Variants in UGT2A1 observed in about 807,000 individuals in gnomAD.
UGT2A1 encodes UDP glucuronosyltransferase family 2 member A1 complex locus.
A neutral mutation model predicts 45.4 loss-of-function variants in UGT2A1; 61 were observed. The ratio of observed to expected loss-of-function variants is 1.34; its 90% CI spans 1.09 to 1.66. The LOEUF is 1.66. Ranked by LOEUF, UGT2A1 falls within the 40% of genes most tolerant of loss-of-function variation. The pLI, the probability that UGT2A1 is intolerant of heterozygous loss-of-function variation, is 0.00. For missense variants in UGT2A1, 649 were observed against 574.3 expected, an observed-to-expected ratio of 1.13 and a Z score of -1.33; for synonymous variants, 229 against 196.2, an observed-to-expected ratio of 1.17 and a Z score of -1.40.
At chr4:69,596,218 A>T (rs376099264) in intron 4 of UGT2A1, 6 of 1,466,378 alleles carry the variant, frequency 4.1e-6, no homozygotes, top group Non-Finnish European at 5.4e-6. Flanking sequence ...ATTAGTAAAA[A>T]GCTGTGTACC....
intron 2 of UGT2A1, among the ~76,000 whole-genome samples, chr4:69,643,408 T>C (rs1011378884): frequency 2.0e-5 from 3 of 151,620 alleles, no homozygotes; most frequent in African/African-American, 7.3e-5. Flanking sequence ...AGATTTTCAT[T>C]TGAATACTAT....
chr4:69,624,065 A>G (rs991119640), intron 3 of UGT2A1, among the ~76,000 whole-genome samples: 5 of 151,592 alleles, frequency 3.3e-5, no homozygotes, highest in Non-Finnish European at 7.4e-5. Context: ...TGTATTATCA[A>G]TTACTGAGAG....
chr4:69,626,332 T>C (rs1358577936), intron 3 of UGT2A1, among the ~76,000 whole-genome samples: 1 of 151,542 alleles, frequency 6.6e-6, no homozygotes, highest in Non-Finnish European at 1.5e-5. Context: ...TGGATGATGT[T>C]TGGAGACCTT....
chr4:69,637,572 TG>T (rs1721782308), intron 2 of UGT2A1, among the ~76,000 whole-genome samples: 1 of 152,158 alleles, frequency 6.6e-6, no homozygotes, highest in African/African-American at 2.4e-5. Flanking sequence ...CTCAGGTCTT[TG>T]GCCTGATGTC....
At chr4:69,600,948 G>A (rs1719250512) in intron 3 of UGT2A1, among the ~76,000 whole-genome samples, 1 of 152,104 alleles carries the variant, frequency 6.6e-6, no homozygotes, top group African/African-American at 2.4e-5. Context: ...CAACATTGGG[G>A]ATCACAATTT....
chr4:69,599,122 T>C, intron 4 of UGT2A1, 124 bp downstream of exon 4: 2 of 1,374,264 alleles, frequency 1.5e-6, no homozygotes, highest in Admixed American at 2.9e-5. Context: ...ACAAGGAAAA[T>C]AGATGTGGAG....
At chr4:69,652,473 G>A (rs954465962) in intron 1 of UGT2A1, among the ~76,000 whole-genome samples, 70 of 151,676 alleles carry the variant, frequency 4.6e-4, no homozygotes, top group African/African-American at 1.5e-3. Flanking sequence ...TAGTAGAGAC[G>A]GGGTTTCACC....
At position 69,646,921 on chromosome 4, in the gene UGT2A1, G is replaced by T; in HGVS notation, c.715+9C>A. On this transcript the variant is annotated intron_variant, in intron 2 of 6. Transcript: ENST00000286604. ...AATTCAAGTAATAAAAACAAAATTT[G>T]TTACATACCTAAAGCTTTACTATAG... The T allele has an allele frequency of 2.0e-6, 3 of 1,530,652 alleles. No homozygotes were observed. Among genetic ancestry groups the T allele is most frequent in the Non-Finnish European group, 2.6e-6 (3 of 1,143,966 alleles). 94.8% of individuals were successfully genotyped at this position (1,530,652 alleles called of 1,614,324 possible).
intron 1 of UGT2A1, among the ~76,000 whole-genome samples, chr4:69,648,360 T>C (rs953663009): frequency 6.6e-6 from 1 of 151,656 alleles, no homozygotes; most frequent in African/African-American, 2.4e-5. Flanking sequence ...CAAGAGATTA[T>C]AGGTAATGCT....
intron 3 of UGT2A1, among the ~76,000 whole-genome samples, chr4:69,628,167 G>A (rs1394650956): frequency 6.6e-6 from 1 of 151,712 alleles, no homozygotes; most frequent in Non-Finnish European, 1.5e-5. Context: ...TTGTCTCAGG[G>A]CATCAAAATG....
intron 3 of UGT2A1, among the ~76,000 whole-genome samples, chr4:69,620,801 C>A (rs1406323976): frequency 6.6e-6 from 1 of 151,682 alleles, no homozygotes; most frequent in East Asian, 1.9e-4. Flanking sequence ...GAAACATAGA[C>A]AAAGGAAACA....
At chr4:69,590,465 G>A (rs145944922) in intron 6 of UGT2A1, among the ~76,000 whole-genome samples, 2 of 152,092 alleles carry the variant, frequency 1.3e-5, no homozygotes, top group South Asian at 4.1e-4. Context: ...TTTGTGTCTG[G>A]AAGAAAAGTT....
intron 3 of UGT2A1, among the ~76,000 whole-genome samples, chr4:69,629,705 C>T (rs886819948): frequency 3.3e-5 from 5 of 151,944 alleles, no homozygotes; most frequent in African/African-American, 1.2e-4. Flanking sequence ...GGAAGAGGAC[C>T]CCTGCAAGCT....
At chr4:69,624,679 C>T (rs1013930110) in intron 3 of UGT2A1, among the ~76,000 whole-genome samples, 1 of 151,160 alleles carries the variant, frequency 6.6e-6, no homozygotes, top group Non-Finnish European at 1.5e-5. Context: ...TCATTTTTAG[C>T]ATAACAACTT....
chr4:69,626,184 C>T (rs760060394), intron 3 of UGT2A1, among the ~76,000 whole-genome samples: 6 of 150,648 alleles, frequency 4.0e-5, no homozygotes, highest in African/African-American at 7.3e-5. Context: ...TATTTGGACG[C>T]TTTGATCTGG....
chr4:69,652,184 G>GT (rs11438429), intron 1 of UGT2A1, among the ~76,000 whole-genome samples: 93,279 of 151,616 alleles, frequency 0.62, 28,904 homozygotes, highest in East Asian at 0.78. Context: ...CCTTCTACTG[G>GT]TTAACAACTG....
chr4:69,611,947 T>C (rs1484754983), intron 3 of UGT2A1, among the ~76,000 whole-genome samples: 1 of 152,036 alleles, frequency 6.6e-6, no homozygotes. Context: ...TACATGGAAA[T>C]GTATAGCAAG....
Position 69,589,499 on chromosome 4 carries a change from T to C in UGT2A1, c.1457A>G (p.Tyr486Cys). The C allele has an allele frequency of 6.2e-7, 1 of 1,614,146 alleles. No individual in the cohort carries two copies. The highest frequency in any genetic ancestry group is 8.5e-7 in the Non-Finnish European group (1 of 1,180,016). Residue 486 changes from tyrosine to cysteine, a missense_variant, in exon 7 of 7, where the codon TAC becomes TGC. By Grantham distance (194) the Tyr-to-Cys change is radical (BLOSUM62 -2). Transcript: ENST00000286604. The part of the protein sequence containing the change: ...VAAHDLTWFQ[Y>C]HSLDVIGFLL... ...GAACCCAATTACATCCAAAGAGTGG[T>C]ACTGGAACCAGGTGAGGTCATGGGC...
At chr4:69,605,145 T>C (rs1400936986) in intron 3 of UGT2A1, among the ~76,000 whole-genome samples, 1 of 136,914 alleles carries the variant, frequency 7.3e-6, no homozygotes, top group Non-Finnish European at 1.6e-5. Flanking sequence ...ACCGCACTTA[T>C]TCCAAAATTG....
Sources: gnomAD v4.1 joint callset for allele counts (sites outside exome capture counted in the v4.1 genomes callset) on GRCh38, gnomAD v4.1.1 for gene constraint, MANE v1.5 for transcripts, NCBI Gene and HGNC (gene_info 2026-07-23, HGNC 2026-07-21) for gene names.